The following NKD1 variants were observed in gnomAD, a reference collection of about 807,000 sequenced individuals.
NKD1 encodes NKD inhibitor of Wnt signaling pathway 1, also known as protein naked cuticle homolog 1.
In NKD1, 21 loss-of-function variants were observed where a neutral mutation model predicts 56.0. That is an observed-to-expected ratio of 0.38 (90% CI 0.27 to 0.54). The LOEUF (loss-of-function observed/expected upper bound fraction) is 0.54, where lower values mean the gene tolerates loss of function less well. Among genes scored for constraint, NKD1 ranks in the 20% least tolerant of loss-of-function variants. The pLI, the probability that NKD1 is intolerant of heterozygous loss-of-function variation, is 0.82. For missense variants in NKD1, 578 were observed against 642.7 expected, an observed-to-expected ratio of 0.90 and a Z score of 1.09; for synonymous variants, 263 against 265.7, an observed-to-expected ratio of 0.99 and a Z score of 0.10.
rs1029382240 is a variant in NKD1 at position 50,641,905 on chromosome 16, C to T, written c.*8124C>T. The T allele has an allele frequency of 4.6e-5, 7 of 152,156 alleles. No homozygotes were observed. Among genetic ancestry groups the T allele is most frequent in the East Asian group, 3.9e-4 (2 of 5,186 alleles). The allele number at this position is 152,156 out of a possible 1,614,324, so 9.4% of individuals were successfully genotyped here. On this transcript the variant is annotated 3_prime_UTR_variant, in exon 10 of 10. Transcript: ENST00000268459. ...AAGGGTCCCAGGCTGTGTGAGACCC[C>T]GCCCAGCACTCCTTAAACAGCCAAG...
At chr16:50,629,686 A>C (rs1962300573) in intron 6 of NKD1, among the ~76,000 whole-genome samples, 1 of 152,114 alleles carries the variant, frequency 6.6e-6, no homozygotes, top group Non-Finnish European at 1.5e-5. Context: ...ATCGCTTGGG[A>C]CTGGGAGTTC....
chr16:50,615,555 A>G (rs1596745287), intron 4 of NKD1, among the ~76,000 whole-genome samples: 1 of 151,846 alleles, frequency 6.6e-6, no homozygotes, highest in South Asian at 2.1e-4. Context: ...CTTGGCAGGG[A>G]TAACAGCGTG....
chr16:50,551,319 G>A (rs909621046), intron 3 of NKD1, among the ~76,000 whole-genome samples: 2 of 152,204 alleles, frequency 1.3e-5, no homozygotes, highest in African/African-American at 4.8e-5. Context: ...TCCCCCAGCT[G>A]AGGACAGCAT....
intron 4 of NKD1, among the ~76,000 whole-genome samples, chr16:50,621,237 C>T (rs1223581612): frequency 6.6e-6 from 1 of 152,232 alleles, no homozygotes; most frequent in Non-Finnish European, 1.5e-5. Context: ...CAGAAAATGG[C>T]CATGGTCCCT....
In NKD1 at chr16:50,569,936, TTGG is replaced by T. The variant is rs563850547; in HGVS notation, c.192+20382_192+20384del. Among the ~76,000 whole-genome samples the T allele has an allele frequency of 2.0e-4, 31 of 152,264 alleles. No individual in the cohort carries two copies. The South Asian group carries it at 6.2e-3, about 31-fold the overall frequency. On this transcript the variant is annotated intron_variant, in intron 3 of 9. Coordinates refer to ENST00000268459, the MANE Select transcript of NKD1 (RefSeq NM_033119.5). ...GCAGAACATTGCTTTAGCAGAGTGG[TTGG>T]AGCCGGGCGGGCACTGCCTACCATG...
At position 50,647,359 on chromosome 16, in the gene NKD1, C is replaced by T. The variant is rs963635392; in HGVS notation, c.*13578C>T. 4.6e-5 allele frequency: 7 copies of T among 152,232 alleles called. No individual in the cohort carries two copies. The highest frequency in any genetic ancestry group is 3.9e-4 in the Admixed American group (6 of 15,292). The allele number at this position is 152,232 out of a possible 1,614,324, so 9.4% of individuals were successfully genotyped here. A position where few individuals can be genotyped will look rare whatever the true frequency, so the allele number is the denominator to read the frequency against. On this transcript the variant is annotated 3_prime_UTR_variant, in exon 10 of 10. Coordinates refer to ENST00000268459, the MANE Select transcript of NKD1 (RefSeq NM_033119.5). ...TACAGCCTGAGGACCACAGAGCACA[C>T]ACAGAGAGTGCTGGGTCCTTGGGAA...
intron 3 of NKD1, among the ~76,000 whole-genome samples, chr16:50,605,117 G>A (rs1159951683): frequency 6.6e-6 from 1 of 152,216 alleles, no homozygotes; most frequent in Non-Finnish European, 1.5e-5. Context: ...TCCGCCCCTT[G>A]CTGGCAGGTG....
chr16:50,581,994 C>G (rs1479841666), intron 3 of NKD1, among the ~76,000 whole-genome samples: 1 of 152,136 alleles, frequency 6.6e-6, no homozygotes, highest in Non-Finnish European at 1.5e-5. Context: ...AAGGGATTGC[C>G]TTGTTGATCT....
At position 50,634,816 on chromosome 16, in the gene NKD1, C is replaced by T. The variant is rs770979518; in HGVS notation, c.*1035C>T. The T allele has an allele frequency of 1.6e-4, 24 of 152,258 alleles. No homozygotes were observed. The highest frequency in any genetic ancestry group is 2.6e-4 in the Admixed American group (4 of 15,262). The allele number at this position is 152,258 out of a possible 1,614,324, so 9.4% of individuals were successfully genotyped here. ...CTGCTTGTCTCCTTTTGGGGCTGGA[C>T]GGCTCTCAGATGCTTTCATCAGAGG... is the stretch of plus-strand genomic sequence containing the variant. On this transcript the variant is annotated 3_prime_UTR_variant, in exon 10 of 10. Transcript: ENST00000268459.
In NKD1 at chr16:50,549,411, C is replaced by T; in HGVS notation, c.59-11C>T. On this transcript the variant is annotated splice_polypyrimidine_tract_variant and intron_variant, in intron 2 of 9. Coordinates refer to ENST00000268459, the MANE Select transcript of NKD1 (RefSeq NM_033119.5). ...GCCAGACTCAGGGGCTTCATGTCGT[C>T]CCCGTCCCAGGTGACAGCTTCGCCG... 1 of 1,609,992 alleles carries T rather than the reference C, an allele frequency of 6.2e-7. No individual in the cohort carries two copies.
rs1349494459 is a variant in NKD1, at chr16:50,643,958, A to C, written c.*10177A>C. ...GAGCATTTTAAGCAGCCAAATCACCAACACAAAGCACAAACATGCACAAAG... is the reference window on the plus strand; with the variant it reads ...GAGCATTTTAAGCAGCCAAATCACCCACACAAAGCACAAACATGCACAAAG... On this transcript the variant is annotated 3_prime_UTR_variant, in exon 10 of 10. Transcript: ENST00000268459. The C allele has an allele frequency of 6.6e-6, 1 of 152,228 alleles. No homozygotes were observed. Among genetic ancestry groups the C allele is most frequent in the Non-Finnish European group, 1.5e-5 (1 of 68,038 alleles). 9.4% of individuals were successfully genotyped at this position (152,228 alleles called of 1,614,324 possible). A position where few individuals can be genotyped will look rare whatever the true frequency, so the allele number is the denominator to read the frequency against.
At chr16:50,614,165 T>A (rs775068060) in intron 4 of NKD1, among the ~76,000 whole-genome samples, 28 of 152,226 alleles carry the variant, frequency 1.8e-4, no homozygotes, top group Non-Finnish European at 3.2e-4. Flanking sequence ...AGTGAATTAC[T>A]GCTGTGGTGC....
intron 4 of NKD1, among the ~76,000 whole-genome samples, chr16:50,613,855 G>A (rs1354538381): frequency 6.6e-6 from 1 of 152,100 alleles, no homozygotes. Context: ...CTGAACAGAT[G>A]TTTCGTCTCA....
At position 50,632,281 on chromosome 16, in the gene NKD1, G is replaced by A. The variant is rs530562920; in HGVS notation, c.696G>A (p.Arg232=). 19 of 1,613,998 alleles carry A rather than the reference G, an allele frequency of 1.2e-5. No individual in the cohort carries two copies. The highest frequency in any genetic ancestry group is 2.7e-5 in the African/African-American group (2 of 74,922). The change falls in exon 9 of 10, where the codon AGG becomes AGA. Residue 232 remains arginine, a splice_region_variant and synonymous_variant. Coordinates refer to ENST00000268459, the MANE Select transcript of NKD1 (RefSeq NM_033119.5). This position sits in a 1 kb window ranked among gnomAD's most constrained non-coding sequence, Gnocchi z 4.1. ...CACTCACTTGCCTCCCCTGCCGTAG[G>A]TTCCAGGGTGACAGCCGCCTGGAGC... is the stretch of plus-strand genomic sequence containing the variant. ...SWEKKQRAPL[R]FQGDSRLEQS...
At chr16:50,619,785 A>G (rs1567351187) in intron 4 of NKD1, among the ~76,000 whole-genome samples, 1 of 152,206 alleles carries the variant, frequency 6.6e-6, no homozygotes, top group Non-Finnish European at 1.5e-5. Context: ...TAGAGAAGGT[A>G]TGTGATCCAC....
At chr16:50,588,239 A>G (rs1376276624) in intron 3 of NKD1, among the ~76,000 whole-genome samples, 1 of 152,226 alleles carries the variant, frequency 6.6e-6, no homozygotes, top group African/African-American at 2.4e-5. Context: ...AGGAACCAGT[A>G]TTTCTTAAAG....
chr16:50,626,160 C>T (rs1596755635), intron 6 of NKD1, among the ~76,000 whole-genome samples: 1 of 152,238 alleles, frequency 6.6e-6, no homozygotes, highest in African/African-American at 2.4e-5. Context: ...GCAGGCCGGT[C>T]TCTCTCGCTC....
chr16:50,580,343 G>A (rs1191613921), intron 3 of NKD1, among the ~76,000 whole-genome samples: 1 of 152,268 alleles, frequency 6.6e-6, no homozygotes, highest in Non-Finnish European at 1.5e-5. Context: ...GGAGAGGCGA[G>A]GGCCCAGTGC....
At chr16:50,575,375 A>G (rs925482993) in intron 3 of NKD1, 29 of 982,646 alleles carry the variant, frequency 3.0e-5, no homozygotes, top group East Asian at 1.1e-4. Context: ...TTTTCAGAAC[A>G]TCAGCGCGAG....
Sources: allele counts gnomAD v4.1 joint callset (sites outside exome capture counted in the v4.1 genomes callset), GRCh38; gene constraint gnomAD v4.1.1; non-coding constraint Gnocchi (gnomAD v3.1); transcripts MANE v1.5; gene names NCBI Gene and HGNC (gene_info 2026-07-23, HGNC 2026-07-21).